ZNF280D: variants seen among roughly 807,000 people sequenced by gnomAD.
ZNF280D encodes suppressor of hairy wing homolog 4.
A neutral mutation model predicts 94.7 loss-of-function variants in ZNF280D; 39 were observed. The ratio of observed to expected loss-of-function variants is 0.41; its 90% CI spans 0.32 to 0.54. The LOEUF (loss-of-function observed/expected upper bound fraction) is 0.54, where lower values mean the gene tolerates loss of function less well. Ranked by LOEUF, ZNF280D falls within the 20% of genes least tolerant of loss-of-function variation. ZNF280D has a pLI of 0.22. For missense variants in ZNF280D, 1,090 were observed against 1,149.3 expected (o/e 0.95, Z 0.75); for synonymous variants, 398 against 377.6 (o/e 1.05, Z -0.63).
rs370725792 is a variant in ZNF280D, at chr15:56,640,661, T to C, written c.2259+2291A>G. Among the ~76,000 whole-genome samples, 49 of 152,260 alleles carry C rather than the reference T, an allele frequency of 3.2e-4. No homozygotes were observed. The South Asian group carries it at 8.1e-3, about 25-fold the overall frequency. On this transcript the variant is annotated intron_variant, in intron 20 of 21. Coordinates refer to ENST00000267807, the MANE Select transcript of ZNF280D (RefSeq NM_017661.4). ...AGCAAACTGTCATGTACAATTTCTC[T>C]TGAACAAGTGACAATCATAAAAAAA...
In ZNF280D at chr15:56,682,486, G is replaced by GAAAAAA. The variant is rs760502258; in HGVS notation, c.781-15_781-10dup. The GAAAAAA allele has an allele frequency of 3.0e-4, 153 of 506,922 alleles. No individual in the cohort carries two copies. The highest frequency in any genetic ancestry group is 1.8e-3 in the South Asian group (44 of 24,794). The allele number at this position is 506,922 out of a possible 1,614,324, so 31.4% of individuals were successfully genotyped here. On this transcript the variant is annotated splice_polypyrimidine_tract_variant and intron_variant, in intron 9 of 21. Transcript: ENST00000267807. Reference sequence around the variant, plus strand: ...ATGTCTGGACAACAATACTGAAAGAGAAAAAAAAAAAAAAAAAACAAGCCT... The same window carrying GAAAAAA: ...ATGTCTGGACAACAATACTGAAAGAGAAAAAAAAAAAAAAAAAAAAAAAACAAGCCT...
At chr15:56,634,970 T>C (rs755711566) in intron 21 of ZNF280D, among the ~76,000 whole-genome samples, 1 of 152,084 alleles carries the variant, frequency 6.6e-6, no homozygotes, top group Non-Finnish European at 1.5e-5. Flanking sequence ...TTTAACAACA[T>C]AAAATATGCT....
At chr15:56,658,028 A>T (rs1179571683) in intron 17 of ZNF280D, among the ~76,000 whole-genome samples, 1 of 152,184 alleles carries the variant, frequency 6.6e-6, no homozygotes, top group East Asian at 1.9e-4. Flanking sequence ...TTAACAATGA[A>T]ATATTGATAC....
At chr15:56,676,089 G>A (rs1263935158) in intron 13 of ZNF280D, among the ~76,000 whole-genome samples, 2 of 152,000 alleles carry the variant, frequency 1.3e-5, no homozygotes, top group African/African-American at 4.8e-5. Flanking sequence ...AGCCATCCAG[G>A]GAACAAGTGA....
chr15:56,706,768 A>G (rs898386767), intron 3 of ZNF280D, among the ~76,000 whole-genome samples: 1 of 151,696 alleles, frequency 6.6e-6, no homozygotes, highest in Admixed American at 6.6e-5. Flanking sequence ...ATTTTTGAGA[A>G]AAAAAAAATT....
chr15:56,664,160 G>A (rs1396126270), intron 16 of ZNF280D, among the ~76,000 whole-genome samples: 2 of 152,146 alleles, frequency 1.3e-5, no homozygotes, highest in Non-Finnish European at 2.9e-5. Flanking sequence ...AAAATAGGGA[G>A]TAAATATGGT....
intron 19 of ZNF280D, among the ~76,000 whole-genome samples, chr15:56,647,386 A>G (rs2052955848): frequency 6.6e-6 from 1 of 152,184 alleles, no homozygotes; most frequent in Admixed American, 6.6e-5. Context: ...CGAAGAAGGG[A>G]GAAAGCATTC....
intron 9 of ZNF280D, among the ~76,000 whole-genome samples, chr15:56,686,102 A>T (rs1596494958): frequency 2.0e-5 from 3 of 152,312 alleles, no homozygotes; most frequent in Admixed American, 6.5e-5. Flanking sequence ...CAAGAAAAGG[A>T]TATTTTATTA....
chr15:56,701,529 CATT>C (rs2057071475), intron 4 of ZNF280D, among the ~76,000 whole-genome samples: 1 of 152,014 alleles, frequency 6.6e-6, no homozygotes, highest in Non-Finnish European at 1.5e-5. Flanking sequence ...TGAGTCAAAA[CATT>C]GTGCTTGCAA....
At chr15:56,638,110 G>A (rs2052443812) in intron 20 of ZNF280D, among the ~76,000 whole-genome samples, 1 of 152,120 alleles carries the variant, frequency 6.6e-6, no homozygotes, top group Non-Finnish European at 1.5e-5. Flanking sequence ...AAGTGAGCCT[G>A]TCATATCAAG....
In ZNF280D at chr15:56,689,350, G is replaced by A. The variant is rs751826655; in HGVS notation, c.620C>T (p.Pro207Leu). 3.7e-6 allele frequency: 6 copies of A among 1,609,836 alleles called. No homozygotes were observed. Among genetic ancestry groups the A allele is most frequent in the South Asian group, 3.3e-5 (3 of 89,896 alleles). ...AGTCACTGAAGGAGATTTAACTGAA[G>A]GTAATACAGCTGAGGAATTTGCTCC... is the stretch of plus-strand genomic sequence containing the variant. ...VSGANSSAVL[P>L]SVKSPSVTSS... is the part of the protein sequence containing the mutation. Residue 207 changes from proline (P) to leucine (L), a missense_variant, in exon 8 of 22, where the codon CCT becomes CTT. Pro to Leu is a moderately conservative substitution (Grantham distance 98, BLOSUM62 -3). Transcript: ENST00000267807.
chr15:56,665,587 C>A (rs919625820), intron 16 of ZNF280D, among the ~76,000 whole-genome samples: 1 of 148,872 alleles, frequency 6.7e-6, no homozygotes, highest in African/African-American at 2.5e-5. Context: ...GATAAAAAGA[C>A]AGTTGGAATA....
At chr15:56,632,937 A>G (rs2052156190) in intron 21 of ZNF280D, among the ~76,000 whole-genome samples, 1 of 152,122 alleles carries the variant, frequency 6.6e-6, no homozygotes, top group Non-Finnish European at 1.5e-5. Flanking sequence ...TATATAACAT[A>G]CATACACATC....
chr15:56,688,033 C>G (rs1406589030), intron 9 of ZNF280D, among the ~76,000 whole-genome samples: 1 of 151,990 alleles, frequency 6.6e-6, no homozygotes. Flanking sequence ...TGCCTTTTTT[C>G]TGATCTCTTT....
chr15:56,634,108 T>C (rs1432857018), intron 21 of ZNF280D: 2 of 152,128 alleles, frequency 1.3e-5, no homozygotes, highest in Non-Finnish European at 2.9e-5. Context: ...TGTGATCAAT[T>C]ATTTGTATCA....
At chr15:56,653,838 G>GAA in intron 19 of ZNF280D, 1 of 1,217,432 alleles carries the variant, frequency 8.2e-7, no homozygotes, top group Non-Finnish European at 1.0e-6. Context: ...GCAAACTGGA[G>GAA]AAAAAAAAAT....
chr15:56,673,414 C>G (rs184383777), intron 13 of ZNF280D, among the ~76,000 whole-genome samples: 4 of 151,980 alleles, frequency 2.6e-5, no homozygotes, highest in African/African-American at 9.7e-5. Context: ...AACCTCTCAG[C>G]TCTAACTTCA....
At chr15:56,730,114 T>A (rs2058815100) in intron 1 of ZNF280D, 1 of 152,146 alleles carries the variant, frequency 6.6e-6, no homozygotes, top group Admixed American at 6.5e-5. Context: ...GTGATAATTG[T>A]ACACTTTTCC....
At position 56,732,490 on chromosome 15, in the gene ZNF280D, C is replaced by T. The variant is rs565437264; in HGVS notation, c.-86+968G>A. On this transcript the variant is annotated intron_variant, in intron 1 of 21. Coordinates refer to ENST00000267807, the MANE Select transcript of ZNF280D (RefSeq NM_017661.4). Reference sequence around the variant, plus strand: ...AGGACACCTTACAGATGCTAAGAGGCAGCTTTTGTGCTTTAAAACTGTCCT... The same window carrying T: ...AGGACACCTTACAGATGCTAAGAGGTAGCTTTTGTGCTTTAAAACTGTCCT... 6 of 152,288 alleles carry T rather than the reference C, an allele frequency of 3.9e-5. No homozygotes were observed. The South Asian group carries it at 1.2e-3, about 32-fold the overall frequency. 9.4% of individuals were successfully genotyped at this position (152,288 alleles called of 1,614,324 possible).
Sources: allele counts gnomAD v4.1 joint callset (sites outside exome capture counted in the v4.1 genomes callset), GRCh38; gene constraint gnomAD v4.1.1; transcripts MANE v1.5; gene names NCBI Gene and HGNC (gene_info 2026-07-23, HGNC 2026-07-21).